Variants in PTPN3 observed in about 807,000 individuals in gnomAD.
PTPN3 encodes tyrosine-protein phosphatase non-receptor type 3.
PTPN3 carries 96 observed loss-of-function variants against 132.7 expected under a neutral mutation model. That is an observed-to-expected ratio of 0.72 (90% confidence interval 0.61 to 0.86). The LOEUF (loss-of-function observed/expected upper bound fraction) is 0.86. Ranked by LOEUF, PTPN3 falls within the 40% of genes least tolerant of loss-of-function variation. PTPN3 has a pLI of 0.00. For synonymous variants in PTPN3, 398 were observed against 429.0 expected (o/e 0.93, Z 0.89); for missense variants, 1,125 against 1,159.6 (o/e 0.97, Z 0.43).
At chr9:109,486,246 T>C (rs1011604174) in intron 1 of PTPN3, among the ~76,000 whole-genome samples, 7 of 152,204 alleles carry the variant, frequency 4.6e-5, no homozygotes, top group South Asian at 2.1e-4. Flanking sequence ...GCTTATAGCA[T>C]ACATTTTGCA....
intron 12 of PTPN3, among the ~76,000 whole-genome samples, chr9:109,424,216 C>A (rs569804657): frequency 2.6e-5 from 4 of 152,278 alleles, no homozygotes; most frequent in African/African-American, 7.2e-5. Context: ...TTATGTGGAA[C>A]CTTTCAGAAG....
rs571664661 is a variant in PTPN3, at chr9:109,410,267, C to T, written c.1462G>A (p.Gly488Ser). The T allele has an allele frequency of 8.1e-6, 13 of 1,614,154 alleles. No individual in the cohort carries two copies. The African/African-American group carries it at 1.5e-4, about 18-fold the overall frequency. The change falls in exon 15 of 26, where the codon GGC becomes AGC. Residue 488 changes from glycine to serine, a missense_variant. Coordinates refer to ENST00000374541, the MANE Select transcript of PTPN3 (RefSeq NM_002829.4). Reference sequence around the variant, plus strand: ...TACTGGCTGGCGTCCTCGGTGGAGCCCCCTTTGGTCACCCTGTGGAAGTCA... The same window carrying T: ...TACTGGCTGGCGTCCTCGGTGGAGCTCCCTTTGGTCACCCTGTGGAAGTCA... The part of the protein sequence containing the change: ...LDDFHRVTKG[G>S]STEDASQYYC...
At chr9:109,457,983 T>C (rs1021023784) in intron 2 of PTPN3, among the ~76,000 whole-genome samples, 1 of 152,208 alleles carries the variant, frequency 6.6e-6, no homozygotes, top group African/African-American at 2.4e-5. Flanking sequence ...AGTGAGAAGC[T>C]GAGGGGCACG....
At chr9:109,528,220 A>C in the PTPN3 span, among the ~76,000 whole-genome samples, 1 of 152,250 alleles carries the variant, frequency 6.6e-6, no homozygotes, top group South Asian at 2.1e-4. Flanking sequence ...ATGTCCAAAC[A>C]ATGTCACGTG....
chr9:109,489,338 G>T (rs1000828705), intron 1 of PTPN3, among the ~76,000 whole-genome samples: 3 of 152,330 alleles, frequency 2.0e-5, no homozygotes, highest in African/African-American at 7.2e-5. Flanking sequence ...GACCACAGAG[G>T]TGTGGGGACC....
At chr9:109,532,944 GTTTTTTTTTT>G in the PTPN3 span, 34 of 312,168 alleles carry the variant, frequency 1.1e-4, no homozygotes, top group East Asian at 1.0e-3. Context: ...TCTTTTCTGG[GTTTTTTTTTT>G]TTTTTTTTTT....
chr9:109,528,665 A>T, the PTPN3 span, among the ~76,000 whole-genome samples: 1 of 152,190 alleles, frequency 6.6e-6, no homozygotes, highest in Non-Finnish European at 1.5e-5. Context: ...GTAAACAAAC[A>T]TTCACTGAGC....
At chr9:109,428,519 G>C (rs1473445242) in intron 11 of PTPN3, 102 bp downstream of exon 11, 1 of 1,232,188 alleles carries the variant, frequency 8.1e-7, no homozygotes, top group Non-Finnish European at 1.1e-6. Context: ...GCTGAGGCAG[G>C]AGGATCCCCT....
rs1327310713 is a variant in PTPN3 at position 109,417,595 on chromosome 9, C to A, written c.1313+2829G>T. 17 of 984,290 alleles carry A rather than the reference C, an allele frequency of 1.7e-5. 1 individual carries two copies. The South Asian group carries it at 5.6e-4, about 33-fold the overall frequency. 61.0% of individuals were successfully genotyped at this position (984,290 alleles called of 1,614,324 possible). ...ACCAGTCTGTACTTCTTACCTGGAG[C>A]AATGGGGGTTCCCAGACCCTCAGGA... On this transcript the variant is annotated intron_variant, in intron 14 of 25. Coordinates refer to ENST00000374541, the MANE Select transcript of PTPN3 (RefSeq NM_002829.4).
At chr9:109,521,307 C>G in the PTPN3 span, among the ~76,000 whole-genome samples, 1 of 151,894 alleles carries the variant, frequency 6.6e-6, no homozygotes, top group African/African-American at 2.4e-5. Flanking sequence ...CACAGGTGCG[C>G]ACCCCCACAC....
At chr9:109,386,139 G>A (rs977203216) in intron 22 of PTPN3, among the ~76,000 whole-genome samples, 1 of 152,198 alleles carries the variant, frequency 6.6e-6, no homozygotes, top group African/African-American at 2.4e-5. Flanking sequence ...GAACTGGTGG[G>A]CAGTGATGAA....
At chr9:109,425,231 G>C (rs1445996750) in intron 12 of PTPN3, among the ~76,000 whole-genome samples, 1 of 152,176 alleles carries the variant, frequency 6.6e-6, no homozygotes, top group African/African-American at 2.4e-5. Context: ...GATACTAACA[G>C]AAATTAGCTA....
At chr9:109,470,527 T>G (rs1478058791) in intron 1 of PTPN3, among the ~76,000 whole-genome samples, 1 of 128,442 alleles carries the variant, frequency 7.8e-6, no homozygotes, top group Admixed American at 7.4e-5. Flanking sequence ...GACCATCATA[T>G]CTACAAAAAA....
chr9:109,485,464 C>A (rs957468107), intron 1 of PTPN3, among the ~76,000 whole-genome samples: 3 of 151,978 alleles, frequency 2.0e-5, no homozygotes, highest in Admixed American at 6.6e-5. Flanking sequence ...GCCGAGATTG[C>A]GCCACTGCAC....
At chr9:109,531,844 T>C in the PTPN3 span, among the ~76,000 whole-genome samples, 1 of 86,568 alleles carries the variant, frequency 1.2e-5, no homozygotes. Context: ...TGCCAAGTGA[T>C]TGACTTGGAG....
chr9:109,377,066 T>C lies in PTPN3; in HGVS notation c.*2490A>G, dbSNP rs1349028141. 1 of 152,230 alleles carries C rather than the reference T, an allele frequency of 6.6e-6. No individual in the cohort carries two copies. The highest frequency in any genetic ancestry group is 1.5e-5 in the Non-Finnish European group (1 of 68,036). 9.4% of individuals were successfully genotyped at this position (152,230 alleles called of 1,614,324 possible). A position where few individuals can be genotyped will look rare whatever the true frequency, so the allele number is the denominator to read the frequency against. ...CATCTCCAAAGACATTTAGACTACT[T>C]TGCAAGCATTTTGCACACAGGGTGA... On this transcript the variant is annotated 3_prime_UTR_variant, in exon 26 of 26. Transcript: ENST00000374541.
chr9:109,538,369 C>G, the PTPN3 span, among the ~76,000 whole-genome samples: 1 of 152,176 alleles, frequency 6.6e-6, no homozygotes, highest in Non-Finnish European at 1.5e-5. Flanking sequence ...TCTTGGAAAC[C>G]TCAGAACTTG....
intron 1 of PTPN3, among the ~76,000 whole-genome samples, chr9:109,471,429 C>T (rs1350771601): frequency 6.6e-6 from 1 of 152,202 alleles, no homozygotes; most frequent in Non-Finnish European, 1.5e-5. Flanking sequence ...CTCTGAACCA[C>T]TTGCTGCAGA....
chr9:109,511,880 G>A, the PTPN3 span, among the ~76,000 whole-genome samples: 16 of 152,208 alleles, frequency 1.1e-4, no homozygotes, highest in Non-Finnish European at 2.4e-4. Flanking sequence ...AGTGTCTTTA[G>A]GGGAGAGACA....
Sources: gnomAD v4.1 joint callset for allele counts (sites outside exome capture counted in the v4.1 genomes callset) on GRCh38, gnomAD v4.1.1 for gene constraint, MANE v1.5 for transcripts, NCBI Gene and HGNC (gene_info 2026-07-23, HGNC 2026-07-21) for gene names.